The following IFI44 variants were observed in gnomAD, a reference collection of about 807,000 sequenced individuals.
IFI44 encodes the protein interferon induced protein 44, also known as interferon-induced protein 44.
IFI44 carries 42 observed loss-of-function variants against 45.0 expected under a neutral mutation model. That is an observed-to-expected ratio of 0.93 (90% CI 0.73 to 1.21). The LOEUF is 1.21. Among genes scored for constraint, IFI44 ranks in the 50% most tolerant of loss-of-function variants. IFI44 has a pLI of 0.00. For synonymous variants in IFI44, 221 were observed against 188.6 expected (o/e 1.17, Z -1.41); for missense variants, 623 against 525.8 (o/e 1.18, Z -1.81).
Position 78,650,409 on chromosome 1 carries a change from G to C in IFI44, c.214G>C (p.Gly72Arg), listed in dbSNP as rs368826022. ...GAYAEESYQE[G>R]KYASIILFAL... is the part of the protein sequence containing the mutation. ...ATATGCAGAAGAGAGTTACCAGGAA[G>C]GAAAGTATGCTTCCATCATCCTTTT... The change falls in exon 2 of 9, where the codon GGA (glycine) becomes CGA (arginine). Residue 72 changes from glycine to arginine, a missense_variant. Physicochemically the swap from Gly to Arg is moderately radical, Grantham distance 125. Transcript: ENST00000370747. The C allele has an allele frequency of 6.2e-7, 1 of 1,613,574 alleles. No homozygotes were observed. The highest frequency in any genetic ancestry group is 8.5e-7 in the Non-Finnish European group (1 of 1,179,658).
At chr1:78,654,346 C>A in intron 3 of IFI44, 67 bp downstream of exon 3, 2 of 832,148 alleles carry the variant, frequency 2.4e-6, no homozygotes, top group South Asian at 1.5e-5. Flanking sequence ...TGATAGGTCT[C>A]ATCAATATAA....
At chr1:78,652,864 G>A (rs1404907766) in intron 2 of IFI44, among the ~76,000 whole-genome samples, 2 of 152,004 alleles carry the variant, frequency 1.3e-5, no homozygotes, top group Non-Finnish European at 2.9e-5. Context: ...GTATGTATAT[G>A]TTCATTTTCA....
At chr1:78,659,040 G>T (rs1448132539) in intron 5 of IFI44, among the ~76,000 whole-genome samples, 1 of 151,752 alleles carries the variant, frequency 6.6e-6, no homozygotes, top group Non-Finnish European at 1.5e-5. Context: ...AACACTTTCA[G>T]CCATATCCTT....
rs752430814 is a variant in IFI44 at position 78,660,605 on chromosome 1, CA to C, written c.1068del (p.Gly357ValfsTer4). 1.9e-6 allele frequency: 3 copies of C among 1,613,576 alleles called. No homozygotes were observed. Among genetic ancestry groups the C allele is most frequent in the African/African-American group, 2.7e-5 (2 of 74,894 alleles). ...CATGTGGATAGCATGGATTTGATTA[CA>C]AAAGGTGACCTTATAGAAATAGAGA... ...LTHVDSMDLI[T>X]KGDLIEIERC... On this transcript the variant is annotated frameshift_variant, in exon 7 of 9. Transcript: ENST00000370747. LOFTEE classifies it high-confidence loss of function.
Position 78,660,580 on chromosome 1 carries a change from C to T in IFI44, c.1039C>T (p.His347Tyr), listed in dbSNP as rs1464282529. ...AGVVHVALLT[H>Y]VDSMDLITKG... ...TGTGGTACATGTGGCTTTGCTCACTCATGTGGATAGCATGGATTTGATTAC... is the reference window on the plus strand; with the variant it reads ...TGTGGTACATGTGGCTTTGCTCACTTATGTGGATAGCATGGATTTGATTAC... The change falls in exon 7 of 9, where the codon CAT (histidine) becomes TAT (tyrosine). Residue 347 changes from histidine to tyrosine, a missense_variant. His to Tyr is a moderately conservative substitution (Grantham distance 83). Transcript: ENST00000370747. The T allele has an allele frequency of 6.2e-7, 1 of 1,613,418 alleles. No homozygotes were observed. Among genetic ancestry groups the T allele is most frequent in the Admixed American group, 1.7e-5 (1 of 59,964 alleles).
At chr1:78,652,240 C>G (rs1299761674) in intron 2 of IFI44, among the ~76,000 whole-genome samples, 1 of 152,090 alleles carries the variant, frequency 6.6e-6, no homozygotes, top group East Asian at 1.9e-4. Flanking sequence ...CACCACCATC[C>G]CCGGCTAATT....
intron 6 of IFI44, 68 bp from the exon 7 acceptor site, chr1:78,660,486 T>A: frequency 1.7e-6 from 2 of 1,151,364 alleles, no homozygotes; most frequent in Non-Finnish European, 2.6e-6. Context: ...TATTACATAA[T>A]TGATAGTTAA....
chr1:78,662,887 T>G lies in IFI44; in HGVS notation c.1288+9T>G, dbSNP rs1647549798. 1 of 1,607,460 alleles carries G rather than the reference T, an allele frequency of 6.2e-7. No homozygotes were observed. The highest frequency in any genetic ancestry group is 1.1e-5 in the South Asian group (1 of 90,774). On this transcript the variant is annotated intron_variant, in intron 8 of 8. Transcript: ENST00000370747. The stretch of plus-strand genomic sequence containing the variant: ...GCCTTTTGAGCAAATAGGTAGATGG[T>G]TTGGTGGTGTGGAAGCTTGGAAGCG...
intron 2 of IFI44, among the ~76,000 whole-genome samples, chr1:78,651,093 C>T (rs1014930381): frequency 5.3e-5 from 8 of 152,096 alleles, no homozygotes; most frequent in African/African-American, 1.9e-4. Flanking sequence ...CAGTGGTCAC[C>T]AACCTTTTTG....
chr1:78,662,592 A>G, intron 7 of IFI44, 112 bp from the exon 8 acceptor site: 1 of 807,812 alleles, frequency 1.2e-6, no homozygotes, highest in Non-Finnish European at 1.9e-6. Context: ...ATTTTTTTCC[A>G]ATGGGAAATT....
At chr1:78,663,691 T>G (rs916997861) in intron 8 of IFI44, 74 bp from the exon 9 acceptor site, 18 of 1,576,924 alleles carry the variant, frequency 1.1e-5, no homozygotes, top group Non-Finnish European at 1.5e-5. Context: ...TTTTCAGTGG[T>G]CCAATATTCC....
At chr1:78,652,858 G>C (rs950291228) in intron 2 of IFI44, among the ~76,000 whole-genome samples, 1 of 152,136 alleles carries the variant, frequency 6.6e-6, no homozygotes, top group Non-Finnish European at 1.5e-5. Flanking sequence ...CATAGGGTAT[G>C]TATATGTTCA....
intron 5 of IFI44, among the ~76,000 whole-genome samples, chr1:78,657,467 A>G (rs1474267344): frequency 6.6e-6 from 1 of 152,126 alleles, no homozygotes; most frequent in Non-Finnish European, 1.5e-5. Flanking sequence ...GTTCTACTTC[A>G]TAGATTGTGT....
In IFI44 at chr1:78,662,725, C is replaced by A. The variant is rs150862388; in HGVS notation, c.1135C>A (p.Leu379Ile). The A allele has an allele frequency of 2.4e-5, 38 of 1,613,062 alleles. No individual in the cohort carries two copies. The highest frequency in any genetic ancestry group is 3.2e-5 in the Non-Finnish European group (38 of 1,179,658). ...RSKLEEVQRK[L>I]GFALSDISVV... ...GCAGCTAGAGGAAGTCCAAAGAAAA[C>A]TTGGATTTGCTCTTTCTGACATCTC... is the stretch of plus-strand genomic sequence containing the variant. Residue 379 changes from leucine to isoleucine, a missense_variant, in exon 8 of 9, where the codon CTT becomes ATT. Leu to Ile is a conservative substitution (Grantham distance 5). Coordinates refer to ENST00000370747, the MANE Select transcript of IFI44 (RefSeq NM_006417.5).
At chr1:78,659,222 C>T in intron 5 of IFI44, 90 bp from the exon 6 acceptor site, 1 of 1,034,008 alleles carries the variant, frequency 9.7e-7, no homozygotes, top group East Asian at 2.4e-5. Context: ...GTTTTGTTTA[C>T]CATTTGATTC....
At chr1:78,659,861 A>C (rs1647353535) in intron 6 of IFI44, among the ~76,000 whole-genome samples, 2 of 152,196 alleles carry the variant, frequency 1.3e-5, no homozygotes, top group African/African-American at 2.4e-5. Context: ...GAATTAGAAA[A>C]TGAAGAAGAA....
rs1343540905 is a variant in IFI44 at position 78,655,506 on chromosome 1, T to TA, written c.836dup (p.Tyr279Ter). 1 of 1,604,088 alleles carries TA rather than the reference T, an allele frequency of 6.2e-7. No homozygotes were observed. The highest frequency in any genetic ancestry group is 1.7e-5 in the Admixed American group (1 of 57,608). Residue 279 changes from tyrosine (Y) to a stop codon, truncating the protein, a stop_gained and frameshift_variant, in exon 5 of 9, where the codon TAC (tyrosine) becomes TAAC (stop). Transcript: ENST00000370747. LOFTEE classifies it high-confidence loss of function. ...YILNGNIRDR[Y>*]QFNPMESIKL... Reference sequence around the variant, plus strand: ...CTTGAACGGTAACATTCGTGATAGATACCAGGTAATATTTGACTAATGAGA... The same window carrying TA: ...CTTGAACGGTAACATTCGTGATAGATAACCAGGTAATATTTGACTAATGAGA...
chr1:78,654,955 A>G, intron 3 of IFI44, 59 bp from the exon 4 acceptor site: 1 of 1,246,164 alleles, frequency 8.0e-7, no homozygotes, highest in Non-Finnish European at 1.1e-6. Flanking sequence ...CAGAAAATTT[A>G]TAATAAGGTT....
intron 7 of IFI44, 156 bp from the exon 8 acceptor site, chr1:78,662,548 G>A: frequency 1.7e-6 from 1 of 605,314 alleles, no homozygotes; most frequent in Non-Finnish European, 2.9e-6. Context: ...GATATGTGAA[G>A]TTCTTCAAGA....
Sources: allele counts gnomAD v4.1 joint callset (sites outside exome capture counted in the v4.1 genomes callset), GRCh38; gene constraint gnomAD v4.1.1; transcripts MANE v1.5; gene names NCBI Gene and HGNC (gene_info 2026-07-23, HGNC 2026-07-21).